The following SEMA3A variants were observed in gnomAD, a reference collection of about 807,000 sequenced individuals.
The protein encoded by SEMA3A is semaphorin-3A.
Under a neutral mutation model 97.9 loss-of-function variants are expected in SEMA3A, and 29 were observed. The observed-to-expected ratio is 0.30, with a 90% CI of 0.22 to 0.40. SEMA3A has a LOEUF of 0.40. SEMA3A is among the 10% of genes least tolerant of loss of function. SEMA3A has a pLI of 1.00. For synonymous variants in SEMA3A, 321 were observed against 323.7 expected (o/e 0.99, Z 0.09); for missense variants, 763 against 951.3 (o/e 0.80, Z 2.60).
intron 1 of SEMA3A, among the ~76,000 whole-genome samples, chr7:84,192,445 T>C (rs1395471093): frequency 6.6e-6 from 1 of 151,968 alleles, no homozygotes; most frequent in African/African-American, 2.4e-5. Context: ...AATGGGATTG[T>C]TATGTAGCTG....
intron 3 of SEMA3A, among the ~76,000 whole-genome samples, chr7:84,208,369 G>C (rs1986249): frequency 6.6e-6 from 1 of 151,618 alleles, no homozygotes; most frequent in Non-Finnish European, 1.5e-5. Flanking sequence ...GGAGAATGGC[G>C]TGAACCCGGG....
intron 4 of SEMA3A, among the ~76,000 whole-genome samples, chr7:84,109,932 TA>T (rs1562788370): frequency 1.3e-5 from 2 of 152,184 alleles, no homozygotes; most frequent in South Asian, 2.1e-4. Flanking sequence ...ACAGATTTTT[TA>T]AAAAAACATA....
intron 1 of SEMA3A, among the ~76,000 whole-genome samples, chr7:84,155,580 G>C (rs1398919915): frequency 6.6e-6 from 1 of 152,068 alleles, no homozygotes; most frequent in Non-Finnish European, 1.5e-5. Context: ...CAAATGCAGT[G>C]TTCTTGGCTT....
intron 3 of SEMA3A, among the ~76,000 whole-genome samples, chr7:84,271,196 C>T (rs998503851): frequency 2.0e-5 from 3 of 151,466 alleles, no homozygotes; most frequent in Non-Finnish European, 4.4e-5. Context: ...TTTTAATGTT[C>T]GTATTTTTTG....
At chr7:84,049,684 A>T (rs926840652) in intron 5 of SEMA3A, among the ~76,000 whole-genome samples, 4 of 151,932 alleles carry the variant, frequency 2.6e-5, no homozygotes, top group Non-Finnish European at 5.9e-5. Flanking sequence ...GAAGTTATCA[A>T]ATTATATGTT....
intron 3 of SEMA3A, among the ~76,000 whole-genome samples, chr7:84,223,370 TG>T (rs1433617388): frequency 6.6e-6 from 1 of 151,876 alleles, no homozygotes; most frequent in Non-Finnish European, 1.5e-5. Flanking sequence ...CACACATATT[TG>T]CCCAACACAT....
intron 3 of SEMA3A, among the ~76,000 whole-genome samples, chr7:84,270,406 A>G (rs80120572): frequency 4.2e-4 from 64 of 152,002 alleles, no homozygotes; most frequent in African/African-American, 1.4e-3. Flanking sequence ...CAAGATGAAT[A>G]AATAAATCCA....
At chr7:84,180,341 T>G (rs76623058) in intron 1 of SEMA3A, among the ~76,000 whole-genome samples, 8,993 of 152,180 alleles carry the variant, frequency 0.059, 521 homozygotes, top group East Asian at 0.3. Context: ...GGCATTTATC[T>G]AGCAGAACAT....
intron 3 of SEMA3A, among the ~76,000 whole-genome samples, chr7:84,249,692 A>G (rs1036330100): frequency 6.6e-6 from 1 of 151,958 alleles, no homozygotes; most frequent in Non-Finnish European, 1.5e-5. Flanking sequence ...TAATATGTGG[A>G]ATTAGCAGTG....
intron 2 of SEMA3A, among the ~76,000 whole-genome samples, chr7:84,312,921 T>TATATATACAC (rs1458168481): frequency 3.0e-5 from 1 of 32,874 alleles, no homozygotes; most frequent in Non-Finnish European, 6.2e-5. Context: ...TATATATATA[T>TATATATACAC]ACACACACAC....
At chr7:84,489,787 C>T (rs1806672087) in intron 1 of SEMA3A, among the ~76,000 whole-genome samples, 1 of 151,910 alleles carries the variant, frequency 6.6e-6, no homozygotes, top group African/African-American at 2.4e-5. Context: ...TAATATAATT[C>T]CTTCACTATA....
At chr7:84,406,593 C>CA (rs147679433) in intron 1 of SEMA3A, among the ~76,000 whole-genome samples, 24 of 150,382 alleles carry the variant, frequency 1.6e-4, no homozygotes, top group South Asian at 6.3e-4. Flanking sequence ...AGAGACACAA[C>CA]AAAAAAAAAG....
chr7:84,407,805 A>G (rs1248022218), intron 1 of SEMA3A, among the ~76,000 whole-genome samples: 1 of 152,204 alleles, frequency 6.6e-6, no homozygotes, highest in Non-Finnish European at 1.5e-5. Flanking sequence ...GGGATTCCCT[A>G]TTTAATAAAT....
chr7:84,124,599 A>G (rs1795735206), intron 3 of SEMA3A, among the ~76,000 whole-genome samples: 1 of 152,214 alleles, frequency 6.6e-6, no homozygotes, highest in African/African-American at 2.4e-5. Flanking sequence ...ATCAGGTGTC[A>G]AATGAAAGAA....
chr7:83,964,361 GCT>G (rs1248754654), intron 15 of SEMA3A, among the ~76,000 whole-genome samples: 1 of 152,130 alleles, frequency 6.6e-6, no homozygotes, highest in East Asian at 1.9e-4. Flanking sequence ...AAAAATTTTT[GCT>G]CTCTACTTCA....
rs35148121 is a variant in SEMA3A, at chr7:83,996,300, C to CTTTT, written c.1452+5651_1452+5654dup. On this transcript the variant is annotated intron_variant, in intron 12 of 16. Coordinates refer to ENST00000265362, the MANE Select transcript of SEMA3A (RefSeq NM_006080.3). ...ACAACAGCTACCATTTACTAGTAAT[C>CTTTT]TTTTTTTTTTTTTTTTTTTTGAGAT... Among the ~76,000 whole-genome samples the CTTTT allele has an allele frequency of 8.0e-3, 893 of 111,968 alleles. 30 individuals are homozygous for CTTTT. Among genetic ancestry groups the CTTTT allele is most frequent in the African/African-American group, 0.026 (804 of 30,504 alleles). The allele number at this position is 111,968 out of a possible 152,430, so 73.5% of individuals were successfully genotyped here.
intron 1 of SEMA3A, among the ~76,000 whole-genome samples, chr7:84,451,693 A>C (rs1805559818): frequency 1.3e-5 from 2 of 152,198 alleles, no homozygotes; most frequent in South Asian, 4.1e-4. Context: ...CAAATTTATC[A>C]CAGAAAATAC....
In SEMA3A at chr7:83,982,157, T is replaced by C. The variant is rs77452776; in HGVS notation, c.1495-679A>G. 4.3e-3 allele frequency among the ~76,000 whole-genome samples: 643 copies of C among 149,382 alleles called. 6 individuals carry two copies. Among genetic ancestry groups the C allele is most frequent in the African/African-American group, 0.015 (611 of 40,592 alleles). On this transcript the variant is annotated intron_variant, in intron 13 of 16. Coordinates refer to ENST00000265362, the MANE Select transcript of SEMA3A (RefSeq NM_006080.3). ...TGTGGAAAAAGCATAGGGTTGAGCATGAAGATACCTGGATTCTAGGTCTCG... is the reference window on the plus strand; with the variant it reads ...TGTGGAAAAAGCATAGGGTTGAGCACGAAGATACCTGGATTCTAGGTCTCG...
chr7:84,472,936 T>C (rs954926001), intron 1 of SEMA3A, among the ~76,000 whole-genome samples: 1 of 152,112 alleles, frequency 6.6e-6, no homozygotes, highest in Non-Finnish European at 1.5e-5. Context: ...AGAGAGATCC[T>C]CATGTGACAG....
Sources: allele counts gnomAD v4.1 joint callset (sites outside exome capture counted in the v4.1 genomes callset), GRCh38; gene constraint gnomAD v4.1.1; transcripts MANE v1.5; gene names NCBI Gene and HGNC (gene_info 2026-07-23, HGNC 2026-07-21).